The following SLC9A9 variants were observed in gnomAD, a reference collection of about 807,000 sequenced individuals.
SLC9A9 encodes the protein sodium/hydrogen exchanger 9.
SLC9A9 carries 62 observed loss-of-function variants against 77.8 expected under a neutral mutation model. That is an observed-to-expected ratio of 0.80 (90% CI 0.65 to 0.98). SLC9A9 has a LOEUF of 0.98. SLC9A9 is among the 50% of genes least tolerant of loss of function. SLC9A9 has a pLI of 0.00. For missense variants in SLC9A9, 775 were observed against 774.9 expected, an observed-to-expected ratio of 1.00 and a Z score of 0.00; for synonymous variants, 320 against 283.5, an observed-to-expected ratio of 1.13 and a Z score of -1.29.
chr3:143,612,647 A>G (rs1168469603), intron 6 of SLC9A9, among the ~76,000 whole-genome samples: 1 of 152,194 alleles, frequency 6.6e-6, no homozygotes, highest in Admixed American at 6.5e-5. Context: ...AGCAAAACAG[A>G]CCAAAATACC....
chr3:143,380,315 T>C (rs563551684), intron 13 of SLC9A9, among the ~76,000 whole-genome samples: 2 of 152,332 alleles, frequency 1.3e-5, no homozygotes, highest in Admixed American at 6.5e-5. Context: ...TTTAGGCTAG[T>C]AGGAAATTTT....
chr3:143,775,204 G>T (rs191193860), intron 4 of SLC9A9, among the ~76,000 whole-genome samples: 1 of 152,254 alleles, frequency 6.6e-6, no homozygotes, highest in Admixed American at 6.5e-5. Context: ...AACAGAAAAT[G>T]AAGAGGAAAA....
At chr3:143,456,022 T>C (rs1239879727) in intron 12 of SLC9A9, among the ~76,000 whole-genome samples, 83 of 152,156 alleles carry the variant, frequency 5.5e-4, no homozygotes, top group African/African-American at 2.0e-3. Flanking sequence ...TTTTCACTAT[T>C]AAATATGATG....
At chr3:143,696,306 T>C (rs1269204239) in intron 4 of SLC9A9, among the ~76,000 whole-genome samples, 1 of 152,240 alleles carries the variant, frequency 6.6e-6, no homozygotes. Flanking sequence ...TTAATCCATC[T>C]TGAGTTAACT....
chr3:143,314,788 G>A (rs1474062475), intron 14 of SLC9A9, among the ~76,000 whole-genome samples: 2 of 152,202 alleles, frequency 1.3e-5, no homozygotes, highest in African/African-American at 4.8e-5. Flanking sequence ...CAAAGCTGGA[G>A]GTAAAAATAT....
At chr3:143,696,923 T>C (rs1186023449) in intron 4 of SLC9A9, among the ~76,000 whole-genome samples, 1 of 152,070 alleles carries the variant, frequency 6.6e-6, no homozygotes, top group African/African-American at 2.4e-5. Flanking sequence ...AAAGCATTAA[T>C]TTTAGAAAAT....
At position 143,623,659 on chromosome 3, in the gene SLC9A9, G is replaced by A. The variant is rs1347318993; in HGVS notation, c.755+28596C>T. ...TAGCACTAAATGCCCACAAGAGAAA[G>A]CAGGAAAGATCTAAAATTGACACCC... On this transcript the variant is annotated intron_variant, in intron 6 of 15. Transcript: ENST00000316549. Among the ~76,000 whole-genome samples, 4 of 152,214 alleles carry A rather than the reference G, an allele frequency of 2.6e-5. No homozygotes were observed. In the South Asian group the frequency reaches 8.3e-4, roughly 32 times the overall value.
intron 7 of SLC9A9, among the ~76,000 whole-genome samples, chr3:143,575,644 C>A (rs1020973124): frequency 6.6e-6 from 1 of 152,120 alleles, no homozygotes; most frequent in African/African-American, 2.4e-5. Flanking sequence ...AGAGGGAAGT[C>A]TTTGTTTCTA....
intron 5 of SLC9A9, among the ~76,000 whole-genome samples, chr3:143,656,937 TAAG>T (rs1401777530): frequency 1.3e-5 from 2 of 152,226 alleles, no homozygotes; most frequent in Non-Finnish European, 2.9e-5. Context: ...TTTCTTTTTC[TAAG>T]AAGGAGGATG....
intron 5 of SLC9A9, among the ~76,000 whole-genome samples, chr3:143,680,186 T>G (rs1225612430): frequency 6.6e-6 from 1 of 152,148 alleles, no homozygotes; most frequent in Non-Finnish European, 1.5e-5. Flanking sequence ...TATACTTTTA[T>G]GTCTAAACAA....
At chr3:143,588,817 C>T (rs555805479) in intron 6 of SLC9A9, among the ~76,000 whole-genome samples, 88 of 152,018 alleles carry the variant, frequency 5.8e-4, no homozygotes, top group Non-Finnish European at 9.7e-4. Flanking sequence ...AATTTGAATC[C>T]CACTACTGTG....
chr3:143,545,883 T>G (rs986540161), intron 9 of SLC9A9, among the ~76,000 whole-genome samples: 1 of 152,224 alleles, frequency 6.6e-6, no homozygotes, highest in African/African-American at 2.4e-5. Flanking sequence ...CAGTCTTTAA[T>G]CAAGTGATCC....
chr3:143,370,670 A>G (rs1006856823), intron 13 of SLC9A9, among the ~76,000 whole-genome samples: 1 of 151,894 alleles, frequency 6.6e-6, no homozygotes, highest in Non-Finnish European at 1.5e-5. Flanking sequence ...CAGAACCACT[A>G]CTGCCATAGT....
intron 4 of SLC9A9, among the ~76,000 whole-genome samples, chr3:143,717,656 C>A (rs1401419963): frequency 1.3e-5 from 2 of 152,200 alleles, no homozygotes; most frequent in Non-Finnish European, 2.9e-5. Context: ...TAAGTGATTT[C>A]AATCTTTTAC....
At chr3:143,405,970 T>G (rs2033968303) in intron 12 of SLC9A9, among the ~76,000 whole-genome samples, 1 of 152,228 alleles carries the variant, frequency 6.6e-6, no homozygotes, top group Non-Finnish European at 1.5e-5. Flanking sequence ...TTTAAATGCC[T>G]TTTTTGTTGA....
At chr3:143,724,584 G>A (rs936991503) in intron 4 of SLC9A9, among the ~76,000 whole-genome samples, 2 of 152,230 alleles carry the variant, frequency 1.3e-5, no homozygotes, top group African/African-American at 4.8e-5. Context: ...ACAGCCTCAT[G>A]TAGTTATTTC....
intron 4 of SLC9A9, among the ~76,000 whole-genome samples, chr3:143,727,146 C>T (rs1934675127): frequency 6.6e-6 from 1 of 152,140 alleles, no homozygotes; most frequent in African/African-American, 2.4e-5. Context: ...CCATCTGGCA[C>T]ATAGCAGGTA....
At chr3:143,291,212 C>T (rs1407991789) in intron 14 of SLC9A9, among the ~76,000 whole-genome samples, 2 of 152,164 alleles carry the variant, frequency 1.3e-5, no homozygotes, top group East Asian at 3.9e-4. Context: ...GCAGCACCCT[C>T]CTTGTCATCA....
chr3:143,647,898 T>C (rs2038730669), intron 6 of SLC9A9, among the ~76,000 whole-genome samples: 1 of 152,338 alleles, frequency 6.6e-6, no homozygotes, highest in Middle Eastern at 3.4e-3. Flanking sequence ...TCATTCCTAA[T>C]AGAGGAAATC....
Sources: allele counts gnomAD v4.1 joint callset (sites outside exome capture counted in the v4.1 genomes callset), GRCh38; gene constraint gnomAD v4.1.1; transcripts MANE v1.5; gene names NCBI Gene and HGNC (gene_info 2026-07-23, HGNC 2026-07-21).